GMIP: variants seen among roughly 807,000 people sequenced by gnomAD.
GMIP encodes the protein GEM interacting protein, also known as GEM-interacting protein.
Under a neutral mutation model 105.3 loss-of-function variants are expected in GMIP, and 54 were observed. The ratio of observed to expected loss-of-function variants is 0.51; its 90% CI spans 0.41 to 0.64. The LOEUF is 0.64. Ranked by LOEUF, GMIP falls within the 30% of genes least tolerant of loss-of-function variation. The pLI is 0.00. For missense variants in GMIP, 1,110 were observed against 1,319.4 expected, an observed-to-expected ratio of 0.84 and a Z score of 2.46; for synonymous variants, 541 against 560.8, an observed-to-expected ratio of 0.96 and a Z score of 0.50.
intron 7 of GMIP, 114 bp from the exon 8 acceptor site, chr19:19,638,596 T>C: frequency 2.4e-6 from 2 of 839,236 alleles, no homozygotes; most frequent in Non-Finnish European, 3.7e-6. Flanking sequence ...ACTCTATTTT[T>C]TTTTTTTTCG....
intron 19 of GMIP, 71 bp downstream of exon 19, chr19:19,633,732 T>G: frequency 8.9e-7 from 1 of 1,121,140 alleles, no homozygotes; most frequent in Non-Finnish European, 1.2e-6. Flanking sequence ...GGAAGGAAGG[T>G]GAAAGAGAAG....
intron 19 of GMIP, among the ~76,000 whole-genome samples, chr19:19,632,234 C>A (rs1242469004): frequency 1.3e-5 from 2 of 151,954 alleles, no homozygotes; most frequent in African/African-American, 2.4e-5. Flanking sequence ...GTGGAGGTTA[C>A]GGTGAACAGA....
chr19:19,639,219 G>T (rs888075355), intron 7 of GMIP, among the ~76,000 whole-genome samples: 1 of 151,508 alleles, frequency 6.6e-6, no homozygotes, highest in Non-Finnish European at 1.5e-5. Flanking sequence ...GCAGACATGT[G>T]CACCAGGCCC....
At chr19:19,639,124 A>AG (rs2061890672) in intron 7 of GMIP, among the ~76,000 whole-genome samples, 1 of 151,834 alleles carries the variant, frequency 6.6e-6, no homozygotes, top group South Asian at 2.1e-4. Context: ...AGATAAAGAC[A>AG]GGGATCTCAC....
chr19:19,634,472 G>A lies in GMIP; in HGVS notation c.2084+35C>T. 6.4e-7 allele frequency: 1 copy of A among 1,550,994 alleles called. No individual in the cohort carries two copies. The highest frequency in any genetic ancestry group is 8.8e-7 in the Non-Finnish European group (1 of 1,141,328). On this transcript the variant is annotated intron_variant, in intron 18 of 20. Transcript: ENST00000203556. This position sits in a 1 kb window ranked among gnomAD's most constrained non-coding sequence, Gnocchi z 6.1. ...TTAGTAGTCGCATGTCCAGGGAAAA[G>A]GGTCGCGTTTCAAGGCTCAGGGACC...
intron 19 of GMIP, among the ~76,000 whole-genome samples, chr19:19,632,021 T>C (rs2144836057): frequency 6.6e-6 from 1 of 150,378 alleles, no homozygotes; most frequent in Non-Finnish European, 1.5e-5. Context: ...CCGGGTGCAG[T>C]GGCTCATGCC....
In GMIP at chr19:19,640,320, A is replaced by G; in HGVS notation, c.405T>C (p.Ala135=). ...CCTGCTGTTGAATGGACACCTTGCCAGCTTCAGCGATCTTCATGGTGCTCT... is the reference window on the plus strand; with the variant it reads ...CCTGCTGTTGAATGGACACCTTGCCGGCTTCAGCGATCTTCATGGTGCTCT... ...FAKSTMKIAE[A]GKVSIQQQSH... The change falls in exon 6 of 21, where the codon GCT becomes GCC. Residue 135 remains alanine (A), a synonymous_variant. Coordinates refer to ENST00000203556, the MANE Select transcript of GMIP (RefSeq NM_016573.4). 2 of 1,613,936 alleles carry G rather than the reference A, an allele frequency of 1.2e-6. No homozygotes were observed. The highest frequency in any genetic ancestry group is 1.7e-6 in the Non-Finnish European group (2 of 1,179,968).
At position 19,635,678 on chromosome 19, in the gene GMIP, A is replaced by G. The variant is rs375072311; in HGVS notation, c.1371T>C (p.Thr457=). 10 of 1,614,044 alleles carry G rather than the reference A, an allele frequency of 6.2e-6. No homozygotes were observed. In the African/African-American group the frequency reaches 1.3e-4, roughly 22 times the overall value. Residue 457 remains threonine (T), a synonymous_variant, in exon 14 of 21, where the codon ACT becomes ACC. Transcript: ENST00000203556. The surrounding 1 kb of genome is among the most constrained non-coding windows in gnomAD (Gnocchi z 4.7). ...RQLVKASSTG[T]ESSDDFEERD... is the part of the protein sequence containing the mutation. ...GCTCCTCAAAGTCATCTGAGGACTC[A>G]GTGCCTGTGGACGAAGCCTTCACCA... is the stretch of plus-strand genomic sequence containing the variant.
chr19:19,635,544 C>G lies in GMIP; in HGVS notation c.1431G>C (p.Gly477=). 6.2e-7 allele frequency: 1 copy of G among 1,613,838 alleles called. No individual in the cohort carries two copies. The highest frequency in any genetic ancestry group is 1.1e-5 in the South Asian group (1 of 91,076). Residue 477 remains glycine, a synonymous_variant, in exon 15 of 21, where the codon GGG becomes GGC. Coordinates refer to ENST00000203556, the MANE Select transcript of GMIP (RefSeq NM_016573.4). This position sits in a 1 kb window ranked among gnomAD's most constrained non-coding sequence, Gnocchi z 4.7. ...TCCACTTCCCGAAGGGGCTGCCCAG[C>G]CCATTCTCCAGCCCGTCTCCCAGGT... ...DPDLGDGLEN[G]LGSPFGKWTL...
chr19:19,642,463 G>T, intron 2 of GMIP, 72 bp downstream of exon 2: 1 of 900,372 alleles, frequency 1.1e-6, no homozygotes, highest in Non-Finnish European at 1.9e-6. Context: ...AAATGGGACT[G>T]CAAGGCACCT....
In GMIP at chr19:19,635,538, G is replaced by C; in HGVS notation, c.1437C>G (p.Gly479=). The stretch of plus-strand genomic sequence containing the variant: ...ACAGTGTCCACTTCCCGAAGGGGCT[G>C]CCCAGCCCATTCTCCAGCCCGTCTC... ...DLGDGLENGL[G]SPFGKWTLSS... The change falls in exon 15 of 21, where the codon GGC becomes GGG. Residue 479 remains glycine, a synonymous_variant. Transcript: ENST00000203556. This position sits in a 1 kb window ranked among gnomAD's most constrained non-coding sequence, Gnocchi z 4.7. 1 of 1,613,680 alleles carries C rather than the reference G, an allele frequency of 6.2e-7. No homozygotes were observed. The highest frequency in any genetic ancestry group is 8.5e-7 in the Non-Finnish European group (1 of 1,179,932).
chr19:19,641,905 G>A (rs985069642), intron 3 of GMIP, 38 bp from the exon 4 acceptor site: 4 of 1,608,272 alleles, frequency 2.5e-6, no homozygotes, highest in Non-Finnish European at 3.4e-6. Context: ...AGCAAACAGG[G>A]CAGGGGCCTG....
chr19:19,637,162 C>T lies in GMIP; in HGVS notation c.1125-133G>A, dbSNP rs1337212205. 2 of 693,842 alleles carry T rather than the reference C, an allele frequency of 2.9e-6. No individual in the cohort carries two copies. The highest frequency in any genetic ancestry group is 4.9e-6 in the Non-Finnish European group (2 of 408,666). 43.0% of individuals were successfully genotyped at this position (693,842 alleles called of 1,614,324 possible). On this transcript the variant is annotated intron_variant, in intron 11 of 20. Coordinates refer to ENST00000203556, the MANE Select transcript of GMIP (RefSeq NM_016573.4). This position sits in a 1 kb window ranked among gnomAD's most constrained non-coding sequence, Gnocchi z 6.7. ...CCTGACACCCAGGGCATTGTGGCCC[C>T]TGAAATACAGTAGCCCCACATTCCT...
Position 19,635,232 on chromosome 19 carries a change from G to C in GMIP, c.1561-19C>G, listed in dbSNP as rs750870350. 4 of 1,602,094 alleles carry C rather than the reference G, an allele frequency of 2.5e-6. No individual in the cohort carries two copies. In the African/African-American group the frequency reaches 5.4e-5, roughly 21 times the overall value. ...GAAAGCACTGTGGGGAAGGTCACAG[G>C]GACAGGGAGGTCATTAGGGACCAGT... On this transcript the variant is annotated intron_variant, in intron 15 of 20. Coordinates refer to ENST00000203556, the MANE Select transcript of GMIP (RefSeq NM_016573.4). This position sits in a 1 kb window ranked among gnomAD's most constrained non-coding sequence, Gnocchi z 4.7.
In GMIP at chr19:19,636,753, A is replaced by C; in HGVS notation, c.1281T>G (p.Gly427=). ...PTPGSDVDSV[G]GGSESRSLDS... ...CCAGGGACCGAGACTCGCTGCCGCC[A>C]CCCACGCTGTCCACATCGCTGCCCG... The change falls in exon 13 of 21, where the codon GGT becomes GGG. Residue 427 remains glycine (G), a synonymous_variant. Coordinates refer to ENST00000203556, the MANE Select transcript of GMIP (RefSeq NM_016573.4). 6.2e-7 allele frequency: 1 copy of C among 1,613,646 alleles called. No homozygotes were observed. Among genetic ancestry groups the C allele is most frequent in the Non-Finnish European group, 8.5e-7 (1 of 1,179,862 alleles).
intron 19 of GMIP, among the ~76,000 whole-genome samples, chr19:19,632,995 CTACT>C (rs1429279068): frequency 6.6e-6 from 1 of 151,988 alleles, no homozygotes; most frequent in Non-Finnish European, 1.5e-5. Flanking sequence ...CCCCACCATC[CTACT>C]TAGTGATACA....
In GMIP at chr19:19,640,318, C is replaced by A. The variant is rs750581488; in HGVS notation, c.407G>T (p.Gly136Val). 6.2e-7 allele frequency: 1 copy of A among 1,613,764 alleles called. No homozygotes were observed. The highest frequency in any genetic ancestry group is 8.5e-7 in the Non-Finnish European group (1 of 1,179,982). The part of the protein sequence containing the change: ...AKSTMKIAEA[G>V]KVSIQQQSHM... ...TACCTGCTGTTGAATGGACACCTTGCCAGCTTCAGCGATCTTCATGGTGCT... is the reference window on the plus strand; with the variant it reads ...TACCTGCTGTTGAATGGACACCTTGACAGCTTCAGCGATCTTCATGGTGCT... The change falls in exon 6 of 21, where the codon GGC becomes GTC. Residue 136 changes from glycine to valine, a missense_variant. This residue lies in a region of GMIP where 667 missense variants were observed against 773.2 expected (regional missense o/e 0.86). Transcript: ENST00000203556.
rs2144831140 is a variant in GMIP, at chr19:19,630,432, C to T, written c.2539+39G>A. 7 of 1,606,864 alleles carry T rather than the reference C, an allele frequency of 4.4e-6. No individual in the cohort carries two copies. The East Asian group carries it at 1.1e-4, about 26-fold the overall frequency. The stretch of plus-strand genomic sequence containing the variant: ...TTAGCAAGCCACCCTGGGGCCAGGG[C>T]ACCCCCAGAACTCCTGAGCCTCTCT... On this transcript the variant is annotated intron_variant, in intron 20 of 20. Transcript: ENST00000203556. The surrounding 1 kb of genome is among the most constrained non-coding windows in gnomAD (Gnocchi z 4.8).
At chr19:19,640,856 C>T (rs1311958088) in intron 4 of GMIP, among the ~76,000 whole-genome samples, 1 of 152,190 alleles carries the variant, frequency 6.6e-6, no homozygotes, top group Non-Finnish European at 1.5e-5. Context: ...ACCTCTGCCT[C>T]CCGGGTTCAA....
Sources: allele counts gnomAD v4.1 joint callset (sites outside exome capture counted in the v4.1 genomes callset), GRCh38; gene constraint gnomAD v4.1.1; regional missense constraint gnomAD v4.1.1; non-coding constraint Gnocchi (gnomAD v3.1); transcripts MANE v1.5; gene names NCBI Gene and HGNC (gene_info 2026-07-23, HGNC 2026-07-21).